MDGA2: variants seen among roughly 807,000 people sequenced by gnomAD.
MDGA2 encodes MAM domain containing glycosylphosphatidylinositol anchor 2.
Under a neutral mutation model 117.8 loss-of-function variants are expected in MDGA2, and 40 were observed. The observed-to-expected ratio is 0.34, with a 90% CI of 0.26 to 0.44. MDGA2 has a LOEUF of 0.44. MDGA2 is among the 20% of genes least tolerant of loss of function. The pLI, the probability that MDGA2 is intolerant of heterozygous loss-of-function variation, is 1.00. For missense variants in MDGA2, 1,123 were observed against 1,250.6 expected (o/e 0.90, Z 1.54); for synonymous variants, 452 against 439.0 (o/e 1.03, Z -0.37).
At chr14:47,052,862 G>C (rs1291290314) in intron 7 of MDGA2, among the ~76,000 whole-genome samples, 1 of 151,620 alleles carries the variant, frequency 6.6e-6, no homozygotes, top group African/African-American at 2.4e-5. Context: ...CTCTTATCTT[G>C]ACCTTCCCAT....
intron 5 of MDGA2, among the ~76,000 whole-genome samples, chr14:47,119,864 A>G (rs1487499519): frequency 1.3e-5 from 2 of 152,106 alleles, no homozygotes; most frequent in African/African-American, 4.8e-5. Context: ...GTGGTGCCTA[A>G]TATTTTCTCT....
intron 2 of MDGA2, among the ~76,000 whole-genome samples, chr14:47,226,967 T>A (rs764832701): frequency 6.6e-6 from 1 of 152,092 alleles, no homozygotes; most frequent in African/African-American, 2.4e-5. Context: ...CACCCTCCGG[T>A]CCTCCAGATA....
chr14:47,552,478 C>A (rs1291261062), intron 1 of MDGA2, among the ~76,000 whole-genome samples: 1 of 152,202 alleles, frequency 6.6e-6, no homozygotes, highest in African/African-American at 2.4e-5. Flanking sequence ...TTCCTGAATA[C>A]TTTCTCTTAT....
intron 1 of MDGA2, among the ~76,000 whole-genome samples, chr14:47,320,208 A>C (rs961985918): frequency 1.3e-5 from 2 of 152,158 alleles, no homozygotes; most frequent in Non-Finnish European, 2.9e-5. Context: ...CTGCCCTAGC[A>C]AACAAATACA....
intron 1 of MDGA2, among the ~76,000 whole-genome samples, chr14:47,432,411 TAAC>T (rs1430922241): frequency 6.6e-6 from 1 of 152,066 alleles, no homozygotes; most frequent in African/African-American, 2.4e-5. Context: ...GTCCTTGGGA[TAAC>T]AATCTGTATA....
intron 9 of MDGA2, among the ~76,000 whole-genome samples, chr14:46,951,558 A>G (rs1038601326): frequency 6.6e-5 from 10 of 152,014 alleles, no homozygotes; most frequent in African/African-American, 2.2e-4. Context: ...TGAGAAGCCC[A>G]TGGGACAAAC....
At chr14:47,303,373 T>C (rs1268937049) in intron 1 of MDGA2, among the ~76,000 whole-genome samples, 2 of 152,192 alleles carry the variant, frequency 1.3e-5, no homozygotes, top group Non-Finnish European at 2.9e-5. Flanking sequence ...GCTTGGTCTA[T>C]AAAACCAATT....
At chr14:47,516,511 T>C (rs1457786810) in intron 1 of MDGA2, among the ~76,000 whole-genome samples, 1 of 152,138 alleles carries the variant, frequency 6.6e-6, no homozygotes, top group Admixed American at 6.6e-5. Context: ...GAGTACAGAG[T>C]TTGATTCAGG....
chr14:47,211,205 C>T (rs755120595), intron 3 of MDGA2, among the ~76,000 whole-genome samples: 1 of 152,054 alleles, frequency 6.6e-6, no homozygotes, highest in African/African-American at 2.4e-5. Flanking sequence ...TCCCTTATTT[C>T]GTGCCTTTAA....
At chr14:47,635,420 G>A (rs895341690) in intron 1 of MDGA2, among the ~76,000 whole-genome samples, 5 of 152,110 alleles carry the variant, frequency 3.3e-5, no homozygotes, top group Non-Finnish European at 4.4e-5. Flanking sequence ...ATGACCTGAC[G>A]TAGTATCTAA....
chr14:47,410,034 T>C (rs1278758797), intron 1 of MDGA2, among the ~76,000 whole-genome samples: 1 of 152,176 alleles, frequency 6.6e-6, no homozygotes, highest in African/African-American at 2.4e-5. Flanking sequence ...ATTTTTGTTT[T>C]AAAAACTTTT....
rs145483926 is a variant in MDGA2, at chr14:47,048,318, C to T, written c.1525+12931G>A. Among the ~76,000 whole-genome samples the T allele has an allele frequency of 2.0e-5, 3 of 152,148 alleles. No individual in the cohort carries two copies. In the East Asian group the frequency reaches 5.8e-4, roughly 29 times the overall value. ...AAAGGAAGATAAGCCATAAATTATA[C>T]ATCAAAGGCATTTTATAAAAGCATT... On this transcript the variant is annotated intron_variant, in intron 7 of 16. Coordinates refer to ENST00000399232, the MANE Select transcript of MDGA2 (RefSeq NM_001113498.3).
At chr14:46,944,463 T>C (rs1885102404) in intron 9 of MDGA2, among the ~76,000 whole-genome samples, 1 of 151,914 alleles carries the variant, frequency 6.6e-6, no homozygotes, top group African/African-American at 2.4e-5. Context: ...TTTCTTGCCT[T>C]GTGCACCATG....
chr14:46,920,500 T>A (rs1014964470), intron 9 of MDGA2, among the ~76,000 whole-genome samples: 5 of 152,148 alleles, frequency 3.3e-5, no homozygotes, highest in African/African-American at 4.8e-5. Flanking sequence ...ATACACCAAG[T>A]ATGCAGTAGG....
At chr14:47,447,290 C>T (rs547117243) in intron 1 of MDGA2, among the ~76,000 whole-genome samples, 5 of 152,270 alleles carry the variant, frequency 3.3e-5, no homozygotes, top group African/African-American at 1.2e-4. Context: ...AGGTCAGGCT[C>T]TTATCTCACG....
chr14:47,363,555 G>C lies in MDGA2; in HGVS notation c.281-62005C>G, dbSNP rs143337553. Among the ~76,000 whole-genome samples the C allele has an allele frequency of 6.6e-5, 10 of 152,182 alleles. No individual in the cohort carries two copies. In the East Asian group the frequency reaches 1.7e-3, roughly 26 times the overall value. ...TTACAGGAGTGAGTCACCATACCTGGCCTGTATCAAATTTATATACACACC... is the reference window on the plus strand; with the variant it reads ...TTACAGGAGTGAGTCACCATACCTGCCCTGTATCAAATTTATATACACACC... On this transcript the variant is annotated intron_variant, in intron 1 of 16. Coordinates refer to ENST00000399232, the MANE Select transcript of MDGA2 (RefSeq NM_001113498.3).
intron 10 of MDGA2, among the ~76,000 whole-genome samples, chr14:46,911,612 T>C (rs187712868): frequency 8.5e-5 from 13 of 152,156 alleles, no homozygotes; most frequent in African/African-American, 2.6e-4. Context: ...TAAGAAGCAA[T>C]TGAGAATGAT....
intron 1 of MDGA2, among the ~76,000 whole-genome samples, chr14:47,533,124 G>C (rs1013290820): frequency 6.6e-6 from 1 of 152,230 alleles, no homozygotes; most frequent in East Asian, 1.9e-4. Context: ...ACTGAGACCA[G>C]AGATGGTTCT....
chr14:47,073,081 T>C (rs1404045644), intron 6 of MDGA2, among the ~76,000 whole-genome samples: 2 of 152,184 alleles, frequency 1.3e-5, no homozygotes, highest in African/African-American at 4.8e-5. Context: ...CTTCAGAAGA[T>C]GATAAAAATG....
Sources: gnomAD v4.1 joint callset for allele counts (sites outside exome capture counted in the v4.1 genomes callset) on GRCh38, gnomAD v4.1.1 for gene constraint, MANE v1.5 for transcripts, NCBI Gene and HGNC (gene_info 2026-07-23, HGNC 2026-07-21) for gene names.